Variants in SOS1 observed in about 807,000 individuals in gnomAD.
The protein encoded by SOS1 is SOS Ras/Rac guanine nucleotide exchange factor 1.
In SOS1, 25 loss-of-function variants were observed where a neutral mutation model predicts 157.6. The ratio of observed to expected loss-of-function variants is 0.16; its 90% CI spans 0.12 to 0.22. The LOEUF (loss-of-function observed/expected upper bound fraction) is 0.22, where lower values mean the gene tolerates loss of function less well. Ranked by LOEUF, SOS1 falls within the 10% of genes least tolerant of loss-of-function variation. SOS1 has a pLI of 1.00. For synonymous variants in SOS1, 528 were observed against 534.0 expected (o/e 0.99, Z 0.16); for missense variants, 1,237 against 1,599.1 (o/e 0.77, Z 3.86).
chr2:38,996,050 G>C (rs1458054261), intron 19 of SOS1, among the ~76,000 whole-genome samples: 1 of 151,880 alleles, frequency 6.6e-6, no homozygotes, highest in African/African-American at 2.4e-5. Context: ...GATTTATCTT[G>C]GTCACTTAGA....
chr2:38,995,719 A>G (rs1189801035), intron 19 of SOS1, among the ~76,000 whole-genome samples: 1 of 152,174 alleles, frequency 6.6e-6, no homozygotes, highest in Non-Finnish European at 1.5e-5. Flanking sequence ...GACTATTTTG[A>G]GCAAATTTAA....
At chr2:39,077,332 A>G (rs1226509941) in intron 1 of SOS1, among the ~76,000 whole-genome samples, 2 of 152,052 alleles carry the variant, frequency 1.3e-5, no homozygotes, top group African/African-American at 2.4e-5. Flanking sequence ...AAAAAAAAAA[A>G]AAGAAAGAAA....
chr2:39,070,764 A>G (rs910481395), intron 1 of SOS1, among the ~76,000 whole-genome samples: 1 of 152,248 alleles, frequency 6.6e-6, no homozygotes, highest in African/African-American at 2.4e-5. Context: ...ATTCCAGTTC[A>G]AAGCCCCAGC....
intron 1 of SOS1, among the ~76,000 whole-genome samples, chr2:39,069,124 A>G (rs1401282584): frequency 2.7e-5 from 4 of 149,372 alleles, no homozygotes; most frequent in African/African-American, 9.9e-5. Context: ...GGAAGGAGGA[A>G]CACTTAAGGC....
chr2:39,076,905 T>A (rs1672024257), intron 1 of SOS1, among the ~76,000 whole-genome samples: 1 of 152,154 alleles, frequency 6.6e-6, no homozygotes, highest in African/African-American at 2.4e-5. Context: ...AGTTAATAAG[T>A]GAGTTTAGTA....
chr2:39,097,900 G>A (rs1672827830), intron 1 of SOS1, among the ~76,000 whole-genome samples: 1 of 152,122 alleles, frequency 6.6e-6, no homozygotes, highest in Admixed American at 6.6e-5. Context: ...AACAGTTTAA[G>A]TGCTGAACAT....
chr2:39,034,682 G>A, intron 8 of SOS1: 1 of 366,488 alleles, frequency 2.7e-6, no homozygotes, highest in Middle Eastern at 3.7e-4. Flanking sequence ...TTTTTACTGA[G>A]ATTACAGAAA....
chr2:39,009,738 CA>C (rs902281051), intron 15 of SOS1, among the ~76,000 whole-genome samples: 11 of 150,482 alleles, frequency 7.3e-5, no homozygotes, highest in Non-Finnish European at 1.0e-4. Context: ...TACAGTACCA[CA>C]AAAAAAAGGG....
chr2:39,048,389 G>C (rs1415358428), intron 6 of SOS1, among the ~76,000 whole-genome samples: 2 of 151,768 alleles, frequency 1.3e-5, no homozygotes, highest in African/African-American at 4.8e-5. Flanking sequence ...TGTCTTAACA[G>C]CTTTTAAGAT....
At chr2:39,062,707 A>G (rs1009418437) in intron 2 of SOS1, among the ~76,000 whole-genome samples, 5 of 151,968 alleles carry the variant, frequency 3.3e-5, no homozygotes, top group Non-Finnish European at 7.4e-5. Flanking sequence ...GGAAGGAACA[A>G]CAAAGGAAAT....
upstream of SOS1, among the ~76,000 whole-genome samples, chr2:39,123,829 T>C (rs1673980441): frequency 6.6e-6 from 1 of 152,200 alleles, no homozygotes; most frequent in African/African-American, 2.4e-5. Flanking sequence ...CGGGCGATTT[T>C]CGGGGTGTGC....
At chr2:39,069,190 CAAAAAAAAAAAAAAAAAAAA>C (rs869178369) in intron 1 of SOS1, among the ~76,000 whole-genome samples, 30 of 46,762 alleles carry the variant, frequency 6.4e-4, no homozygotes, top group African/African-American at 2.0e-3. Flanking sequence ...TACCAAAAAG[CAAAAAAAAAAAAAAAAAAAA>C]AAAAAAAAAA....
At chr2:39,000,136 T>C (rs1355236256) in intron 17 of SOS1, among the ~76,000 whole-genome samples, 1 of 152,160 alleles carries the variant, frequency 6.6e-6, no homozygotes, top group African/African-American at 2.4e-5. Context: ...AGCTTTGTTC[T>C]TGAAAGCACA....
At chr2:39,079,047 G>A (rs1572876629) in intron 1 of SOS1, among the ~76,000 whole-genome samples, 2 of 120,324 alleles carry the variant, frequency 1.7e-5, no homozygotes, top group South Asian at 5.3e-4. Context: ...GTGACAAGAG[G>A]GAGACTCTGT....
In SOS1 at chr2:39,109,384, T is replaced by A. The variant is rs150130689; in HGVS notation, c.87+10952A>T. Reference sequence around the variant, plus strand: ...AGCATCTTTTAAAATTCTACCTTTTTTAATGCAACAGAACCCTTTTTTTCC... The same window carrying A: ...AGCATCTTTTAAAATTCTACCTTTTATAATGCAACAGAACCCTTTTTTTCC... On this transcript the variant is annotated intron_variant, in intron 1 of 22. Transcript: ENST00000402219. 2.6e-5 allele frequency among the ~76,000 whole-genome samples: 4 copies of A among 152,296 alleles called. No individual in the cohort carries two copies. The East Asian group carries it at 7.7e-4, about 29-fold the overall frequency.
In SOS1 at chr2:39,052,855, A is replaced by C. The variant is rs188895894; in HGVS notation, c.721-1568T>G. Among the ~76,000 whole-genome samples, 749 of 152,224 alleles carry C rather than the reference A, an allele frequency of 4.9e-3. 7 individuals are homozygous for C. The highest frequency in any genetic ancestry group is 0.017 in the African/African-American group (716 of 41,548). On this transcript the variant is annotated intron_variant, in intron 5 of 22. Coordinates refer to ENST00000402219, the MANE Select transcript of SOS1 (RefSeq NM_005633.4). ...ATGGTTAGTTTATGTTTATTGTTATAAAGAACTGCCAAACTGGCCAGGCAT... is the reference window on the plus strand; with the variant it reads ...ATGGTTAGTTTATGTTTATTGTTATCAAGAACTGCCAAACTGGCCAGGCAT...
At chr2:39,071,065 ACCATGTTGG>A (rs1671777032) in intron 1 of SOS1, among the ~76,000 whole-genome samples, 1 of 151,950 alleles carries the variant, frequency 6.6e-6, no homozygotes, top group African/African-American at 2.4e-5. Flanking sequence ...ACCGGGTTTT[ACCATGTTGG>A]CCAGGTTGGT....
chr2:39,069,280 T>G (rs1572869031), intron 1 of SOS1, among the ~76,000 whole-genome samples: 1 of 131,212 alleles, frequency 7.6e-6, no homozygotes, highest in Admixed American at 8.7e-5. Flanking sequence ...GAGGCTGAGG[T>G]GACGTGGAAG....
intron 8 of SOS1, among the ~76,000 whole-genome samples, chr2:39,025,372 T>C (rs1359387998): frequency 1.3e-5 from 2 of 151,944 alleles, no homozygotes; most frequent in Non-Finnish European, 2.9e-5. Context: ...TTTTTTTAGA[T>C]GGAGTCTTGC....
Sources: allele counts gnomAD v4.1 joint callset (sites outside exome capture counted in the v4.1 genomes callset), GRCh38; gene constraint gnomAD v4.1.1; transcripts MANE v1.5; gene names NCBI Gene and HGNC (gene_info 2026-07-23, HGNC 2026-07-21).